Variants in NAALADL2 observed in about 807,000 individuals in gnomAD.
The protein encoded by NAALADL2 is inactive N-acetylated-alpha-linked acidic dipeptidase-like protein 2.
A neutral mutation model predicts 87.2 loss-of-function variants in NAALADL2; 76 were observed. The observed-to-expected ratio is 0.87, with a 90% CI of 0.72 to 1.05. NAALADL2 has a LOEUF of 1.05. NAALADL2 is among the 50% of genes least tolerant of loss of function. The probability of loss-of-function intolerance (pLI) is 0.00; values close to 1 mark genes in which losing one functional copy is unlikely to be tolerated. For missense variants in NAALADL2, 1,089 were observed against 945.8 expected (o/e 1.15, Z -1.99); for synonymous variants, 354 against 331.0 (o/e 1.07, Z -0.75).
intron 2 of NAALADL2, among the ~76,000 whole-genome samples, chr3:174,569,221 C>T (rs569785964): frequency 7.3e-5 from 11 of 151,690 alleles, no homozygotes; most frequent in Non-Finnish European, 1.2e-4. Context: ...AGAGTAATAA[C>T]GTTTGTATAT....
intron 1 of NAALADL2, among the ~76,000 whole-genome samples, chr3:174,944,214 C>T (rs1426925811): frequency 6.6e-6 from 1 of 152,132 alleles, no homozygotes; most frequent in East Asian, 1.9e-4. Flanking sequence ...TCAGCCTGAA[C>T]CCACCTGTAG....
At chr3:175,786,675 C>T (rs1423190320) in intron 13 of NAALADL2, among the ~76,000 whole-genome samples, 4 of 152,142 alleles carry the variant, frequency 2.6e-5, no homozygotes, top group African/African-American at 4.8e-5. Context: ...GTAATTTGAT[C>T]GTCTGAAGCC....
intron 4 of NAALADL2, among the ~76,000 whole-genome samples, chr3:175,266,233 AT>A (rs1405579816): frequency 6.6e-6 from 1 of 151,124 alleles, no homozygotes; most frequent in Admixed American, 6.6e-5. Flanking sequence ...TTACTTGAAT[AT>A]TATAACCATC....
At chr3:174,630,158 G>T (rs1203378468) in intron 2 of NAALADL2, among the ~76,000 whole-genome samples, 1 of 151,886 alleles carries the variant, frequency 6.6e-6, no homozygotes, top group Non-Finnish European at 1.5e-5. Flanking sequence ...TTTTCATTTT[G>T]TTGATTAAAA....
intron 1 of NAALADL2, among the ~76,000 whole-genome samples, chr3:175,069,833 TA>T (rs1715269198): frequency 6.7e-6 from 1 of 149,130 alleles, no homozygotes; most frequent in Admixed American, 6.7e-5. Context: ...TATGCAGCCA[TA>T]AAAAATGATG....
chr3:174,449,035 A>C (rs1157617306), intron 1 of NAALADL2, among the ~76,000 whole-genome samples: 3 of 152,202 alleles, frequency 2.0e-5, no homozygotes, highest in Non-Finnish European at 4.4e-5. Context: ...TCAAGAGCTT[A>C]AATAGTTGTT....
intron 12 of NAALADL2, among the ~76,000 whole-genome samples, chr3:175,747,670 A>C (rs1244528927): frequency 6.6e-6 from 1 of 151,440 alleles, no homozygotes; most frequent in African/African-American, 2.4e-5. Flanking sequence ...TTCCTGGTTT[A>C]GCCAATACAT....
At position 174,610,513 on chromosome 3, in the gene NAALADL2, A is replaced by G. The variant is rs1719711055; in HGVS notation, c.-115+59876A>G. ...ATCAAAAAGTGGGCGAAAGACATGA[A>G]AAGACTGTTCTGAAAAGAAGACATT... On this transcript the variant is annotated intron_variant, in intron 2 of 3. Transcript: ENST00000434257. Among the ~76,000 whole-genome samples the G allele has an allele frequency of 2.0e-5, 3 of 152,358 alleles. No individual in the cohort carries two copies. The South Asian group carries it at 6.2e-4, about 32-fold the overall frequency.
chr3:174,467,735 C>T (rs1716626403), intron 1 of NAALADL2, among the ~76,000 whole-genome samples: 1 of 151,548 alleles, frequency 6.6e-6, no homozygotes, highest in South Asian at 2.1e-4. Context: ...ACTGAAAACT[C>T]TCTAAGATTT....
intron 2 of NAALADL2, among the ~76,000 whole-genome samples, chr3:174,664,030 C>G (rs1265824540): frequency 6.6e-6 from 1 of 151,998 alleles, no homozygotes; most frequent in Non-Finnish European, 1.5e-5. Flanking sequence ...CTCAGGTGAC[C>G]CACCAGCCTC....
At position 174,474,367 on chromosome 3, in the gene NAALADL2, C is replaced by T. The variant is rs548278341; in HGVS notation, c.-184+33335C>T. 4.6e-5 allele frequency among the ~76,000 whole-genome samples: 7 copies of T among 152,202 alleles called. No homozygotes were observed. In the South Asian group the frequency reaches 1.0e-3, roughly 23 times the overall value. On this transcript the variant is annotated intron_variant, in intron 1 of 3. Transcript: ENST00000434257. ...TTTGAAATTTAGGGTCTCCAATTTT[C>T]ATTTATGAATGAAACATTCTCATGT...
At chr3:174,866,013 G>T (rs1309316148) in intron 1 of NAALADL2, among the ~76,000 whole-genome samples, 1 of 151,838 alleles carries the variant, frequency 6.6e-6, no homozygotes, top group Middle Eastern at 3.2e-3. Context: ...AGAACATGCT[G>T]AAAAACTGTC....
chr3:174,522,151 T>C (rs1340567719), intron 1 of NAALADL2, among the ~76,000 whole-genome samples: 2 of 152,122 alleles, frequency 1.3e-5, no homozygotes, highest in Non-Finnish European at 2.9e-5. Context: ...ACACGTCTCA[T>C]AGAGTATAGT....
At chr3:175,781,248 A>AAGAT (rs1264945187) in intron 13 of NAALADL2, among the ~76,000 whole-genome samples, 1 of 152,192 alleles carries the variant, frequency 6.6e-6, no homozygotes, top group Non-Finnish European at 1.5e-5. Flanking sequence ...GAGTGTGTCT[A>AAGAT]AGATAGTACA....
chr3:175,621,457 C>A (rs1400549513), intron 10 of NAALADL2, among the ~76,000 whole-genome samples: 1 of 152,090 alleles, frequency 6.6e-6, no homozygotes, highest in Non-Finnish European at 1.5e-5. Context: ...CTAGGTAATT[C>A]TCTGGGTTTC....
intron 5 of NAALADL2, chr3:175,369,412 GTGTGTGCC>G (rs942250450): frequency 1.1e-4 from 17 of 150,668 alleles, no homozygotes; most frequent in African/African-American, 3.7e-4. Flanking sequence ...TAACAAGTAT[GTGTGTGCC>G]TGTGTGCGTG....
At chr3:175,283,279 C>G (rs1423151730) in intron 4 of NAALADL2, among the ~76,000 whole-genome samples, 1 of 152,100 alleles carries the variant, frequency 6.6e-6, no homozygotes, top group South Asian at 2.1e-4. Flanking sequence ...CACAAAGAAG[C>G]ATGGATCTCA....
chr3:175,719,964 G>A (rs921783697), intron 11 of NAALADL2, among the ~76,000 whole-genome samples: 2 of 152,142 alleles, frequency 1.3e-5, no homozygotes, highest in Non-Finnish European at 2.9e-5. Flanking sequence ...CCAATCATGA[G>A]AGTTCTGCCT....
intron 3 of NAALADL2, among the ~76,000 whole-genome samples, chr3:174,775,588 T>A (rs1412908637): frequency 8.9e-6 from 1 of 112,758 alleles, no homozygotes; most frequent in African/African-American, 3.1e-5. Context: ...AAATGTTTTA[T>A]TAGTAAACCA....
Sources: gnomAD v4.1 joint callset for allele counts (sites outside exome capture counted in the v4.1 genomes callset) on GRCh38, gnomAD v4.1.1 for gene constraint, MANE v1.5 for transcripts, NCBI Gene and HGNC (gene_info 2026-07-23, HGNC 2026-07-21) for gene names.